DIAPH2: variants seen among roughly 807,000 people sequenced by gnomAD.
The protein encoded by DIAPH2 is protein diaphanous homolog 2.
A neutral mutation model predicts 92.7 loss-of-function variants in DIAPH2; 35 were observed. The observed-to-expected ratio is 0.38, with a 90% confidence interval of 0.29 to 0.50. The LOEUF (loss-of-function observed/expected upper bound fraction) is 0.50, where lower values mean the gene tolerates loss of function less well. Among genes scored for constraint, DIAPH2 ranks in the 20% least tolerant of loss-of-function variants. The probability of loss-of-function intolerance (pLI) is 0.94; values close to 1 mark genes in which losing one functional copy is unlikely to be tolerated. For synonymous variants in DIAPH2, 301 were observed against 280.4 expected, an observed-to-expected ratio of 1.07 and a Z score of -0.73; for missense variants, 701 against 819.5, an observed-to-expected ratio of 0.86 and a Z score of 1.77.
chrX:97,521,154 A>G (rs900250295), intron 26 of DIAPH2, among the ~76,000 whole-genome samples: 3 of 111,399 alleles, frequency 2.7e-5, no homozygotes, highest in African/African-American at 9.8e-5. Context: ...GCACAGTGAG[A>G]AGGTGCAGTC....
chrX:97,435,876 T>C (rs764097408), intron 26 of DIAPH2, among the ~76,000 whole-genome samples: 3 of 106,390 alleles, frequency 2.8e-5, no homozygotes, highest in African/African-American at 1.0e-4. Flanking sequence ...GGCGCGATCT[T>C]GGCTCACTGC....
chrX:97,012,250 A>G (rs2066232354), intron 17 of DIAPH2, among the ~76,000 whole-genome samples: 1 of 112,239 alleles, frequency 8.9e-6, no homozygotes, highest in South Asian at 3.7e-4. Context: ...TCACAAGATA[A>G]TAGCCACTAA....
At position 97,220,383 on chromosome X, in the gene DIAPH2, A is replaced by G. The variant is rs760822429; in HGVS notation, c.2720-27332A>G. ...CAAGTTTTAGAAAAAAAAAAAAAAG[A>G]AAAAGAAATCTCAGATGACCTTTAA... On this transcript the variant is annotated intron_variant, in intron 22 of 26. Coordinates refer to ENST00000324765, the MANE Select transcript of DIAPH2 (RefSeq NM_006729.5). Among the ~76,000 whole-genome samples, 7 of 110,572 alleles carry G rather than the reference A, an allele frequency of 6.3e-5. No individual in the cohort carries two copies. In the Admixed American group the frequency reaches 6.8e-4, roughly 11 times the overall value.
chrX:96,900,825 G>A (rs979583076), intron 5 of DIAPH2, among the ~76,000 whole-genome samples: 1 of 111,894 alleles, frequency 8.9e-6, no homozygotes, highest in Non-Finnish European at 1.9e-5. Context: ...ACTTGATTCC[G>A]ATATATTATG....
At chrX:97,498,526 A>G (rs976981204) in intron 26 of DIAPH2, among the ~76,000 whole-genome samples, 1 of 111,615 alleles carries the variant, frequency 9.0e-6, no homozygotes, top group African/African-American at 3.3e-5. Flanking sequence ...ATTGTGACCT[A>G]TATGTAAAGT....
intron 22 of DIAPH2, among the ~76,000 whole-genome samples, chrX:97,221,786 T>A (rs755790689): frequency 1.4e-4 from 16 of 111,829 alleles, no homozygotes; most frequent in African/African-American, 5.2e-4. Flanking sequence ...TCCTCCAAAA[T>A]TTTTTGTTCA....
intron 10 of DIAPH2, among the ~76,000 whole-genome samples, chrX:96,936,573 T>C (rs895937697): frequency 7.2e-5 from 8 of 111,642 alleles, no homozygotes; most frequent in African/African-American, 2.6e-4. Context: ...TTATGAAAAT[T>C]ATCAGAGGTT....
At chrX:97,418,224 A>T (rs763756355) in intron 25 of DIAPH2, among the ~76,000 whole-genome samples, 3 of 112,615 alleles carry the variant, frequency 2.7e-5, no homozygotes, top group Non-Finnish European at 5.6e-5. Flanking sequence ...TTATGCAAGG[A>T]GTTGGCAGGG....
chrX:96,969,391 A>T (rs779292865), intron 17 of DIAPH2, among the ~76,000 whole-genome samples: 1 of 110,624 alleles, frequency 9.0e-6, no homozygotes, highest in African/African-American at 3.3e-5. Flanking sequence ...TGTTTGTGTC[A>T]TTCATTATTT....
intron 22 of DIAPH2, among the ~76,000 whole-genome samples, chrX:97,229,886 T>C (rs1172345813): frequency 9.5e-6 from 1 of 105,392 alleles, no homozygotes; most frequent in Non-Finnish European, 1.9e-5. Flanking sequence ...AGATGTAATA[T>C]TGTTATTATA....
chrX:96,806,109 A>C (rs963081825), intron 4 of DIAPH2, among the ~76,000 whole-genome samples: 1 of 109,201 alleles, frequency 9.2e-6, no homozygotes, highest in African/African-American at 3.3e-5. Flanking sequence ...TGTTGCTGCT[A>C]TCACTGGTAT....
At chrX:97,029,747 C>T (rs747767979) in intron 17 of DIAPH2, among the ~76,000 whole-genome samples, 8 of 111,484 alleles carry the variant, frequency 7.2e-5, no homozygotes, top group Non-Finnish European at 1.3e-4. Flanking sequence ...ATCCAAAATT[C>T]ATTGACTGTA....
chrX:97,428,185 A>C lies in DIAPH2; in HGVS notation c.3146-1465A>C, dbSNP rs191925443. On this transcript the variant is annotated intron_variant, in intron 25 of 26. Transcript: ENST00000324765. ...TATAACATTGGAGAAGTTTCAGATC[A>C]AATGCAGAACATAATCAAAAAATAT... is the stretch of plus-strand genomic sequence containing the variant. 2.1e-4 allele frequency among the ~76,000 whole-genome samples: 23 copies of C among 111,752 alleles called. No individual in the cohort carries two copies. The East Asian group carries it at 6.2e-3, about 30-fold the overall frequency.
intron 22 of DIAPH2, among the ~76,000 whole-genome samples, chrX:97,171,002 G>A (rs892844330): frequency 2.7e-5 from 3 of 110,241 alleles, no homozygotes; most frequent in African/African-American, 6.6e-5. Flanking sequence ...TCAGCCCCAC[G>A]AGTAGCTGGA....
intron 4 of DIAPH2, among the ~76,000 whole-genome samples, chrX:96,811,308 GCT>G (rs1244164028): frequency 9.0e-6 from 1 of 111,161 alleles, no homozygotes; most frequent in African/African-American, 3.3e-5. Context: ...TCATGATTTG[GCT>G]CTCTGTTTGT....
chrX:96,901,781 C>T (rs767338078), intron 5 of DIAPH2, among the ~76,000 whole-genome samples: 1 of 109,775 alleles, frequency 9.1e-6, no homozygotes, highest in Admixed American at 9.7e-5. Context: ...GTGATCTGCC[C>T]GCCTTGGCCT....
intron 23 of DIAPH2, among the ~76,000 whole-genome samples, chrX:97,284,467 G>A (rs997135038): frequency 8.2e-5 from 9 of 109,871 alleles, no homozygotes; most frequent in South Asian, 3.9e-4. Context: ...AAAATTAGCC[G>A]AGCATAGTGG....
At position 97,436,875 on chromosome X, in the gene DIAPH2, A is replaced by G. The variant is rs1490030348; in HGVS notation, c.3241+7130A>G. 2.2e-4 allele frequency among the ~76,000 whole-genome samples: 25 copies of G among 112,215 alleles called. No individual in the cohort carries two copies. The Admixed American group carries it at 2.4e-3, about 11-fold the overall frequency. On this transcript the variant is annotated intron_variant, in intron 26 of 26. Coordinates refer to ENST00000324765, the MANE Select transcript of DIAPH2 (RefSeq NM_006729.5). ...CGCCAGAGTTTGACAGTCATCATTG[A>G]CAAAGTAGGGGGGAAATGCCTCTCT... is the stretch of plus-strand genomic sequence containing the variant.
chrX:96,891,144 G>A (rs753438803), intron 5 of DIAPH2, among the ~76,000 whole-genome samples: 1 of 111,324 alleles, frequency 9.0e-6, no homozygotes, highest in Non-Finnish European at 1.9e-5. Flanking sequence ...TGCATTAATC[G>A]GCACTATTTT....
Sources: gnomAD v4.1 joint callset for allele counts (sites outside exome capture counted in the v4.1 genomes callset) on GRCh38, gnomAD v4.1.1 for gene constraint, MANE v1.5 for transcripts, NCBI Gene and HGNC (gene_info 2026-07-23, HGNC 2026-07-21) for gene names.